SYT16: variants seen among roughly 807,000 people sequenced by gnomAD.
The protein encoded by SYT16 is synaptotagmin 16.
Under a neutral mutation model 61.4 loss-of-function variants are expected in SYT16, and 42 were observed. That is an observed-to-expected ratio of 0.68 (90% CI 0.53 to 0.89). The LOEUF (loss-of-function observed/expected upper bound fraction) is 0.89, where lower values mean the gene tolerates loss of function less well. Among genes scored for constraint, SYT16 ranks in the 40% least tolerant of loss-of-function variants. The pLI, the probability that SYT16 is intolerant of heterozygous loss-of-function variation, is 0.00. For missense variants in SYT16, 804 were observed against 807.3 expected, an observed-to-expected ratio of 1.00 and a Z score of 0.05; for synonymous variants, 314 against 302.3, an observed-to-expected ratio of 1.04 and a Z score of -0.40.
chr14:61,918,048 T>C (rs1192020767), intron 1 of SYT16, among the ~76,000 whole-genome samples: 2 of 152,154 alleles, frequency 1.3e-5, no homozygotes, highest in African/African-American at 4.8e-5. Context: ...TCAAAGAGTT[T>C]TGAATTTTGG....
intron 1 of SYT16, among the ~76,000 whole-genome samples, chr14:61,902,963 A>G (rs969167057): frequency 2.0e-5 from 3 of 152,206 alleles, no homozygotes; most frequent in Admixed American, 6.5e-5. Context: ...TATGGGAGCA[A>G]CAATTCAAGA....
intron 1 of SYT16, among the ~76,000 whole-genome samples, chr14:61,937,869 G>C (rs1394534826): frequency 6.6e-6 from 1 of 152,074 alleles, no homozygotes; most frequent in Non-Finnish European, 1.5e-5. Context: ...GTGTCTATGT[G>C]TCAATCACAC....
chr14:61,870,304 T>G (rs1192875923), intron 1 of SYT16, among the ~76,000 whole-genome samples: 4 of 152,232 alleles, frequency 2.6e-5, no homozygotes, highest in African/African-American at 9.6e-5. Context: ...GTCTTCTGAC[T>G]TGCATTGTTT....
chr14:62,084,148 A>G, intron 6 of SYT16, 48 bp from the exon 7 acceptor site: 3 of 1,572,902 alleles, frequency 1.9e-6, no homozygotes, highest in Non-Finnish European at 1.7e-6. Flanking sequence ...TCTAAAAGAG[A>G]GTAGTGCAGC....
rs763266467 is a variant in SYT16 at position 61,996,500 on chromosome 14, C to A, written c.481C>A (p.Gln161Lys). The A allele has an allele frequency of 1.2e-6, 2 of 1,612,242 alleles. No homozygotes were observed. Among genetic ancestry groups the A allele is most frequent in the Non-Finnish European group, 1.7e-6 (2 of 1,179,148 alleles). Residue 161 changes from glutamine (Q) to lysine (K), a missense_variant, in exon 3 of 8, where the codon CAG becomes AAG. Physicochemically the swap from Gln to Lys is moderately conservative, Grantham distance 53 (BLOSUM62 1). Coordinates refer to ENST00000683842, the MANE Select transcript of SYT16 (RefSeq NM_001367656.1). ...RSGLQHGFDS[Q>K]LPGTLETVNG... ...TGGCCTTCAACATGGCTTTGACAGC[C>A]AGCTCCCTGGTACTTTAGAAACTGT...
At chr14:62,030,346 T>TTACTCAGAGTTCAA (rs1396711796) in intron 3 of SYT16, among the ~76,000 whole-genome samples, 2 of 152,202 alleles carry the variant, frequency 1.3e-5, no homozygotes, top group Non-Finnish European at 2.9e-5. Flanking sequence ...TAAACAGAAC[T>TTACTCAGAGTTCAA]TACTCAGAGA....
chr14:62,033,259 T>G (rs1401790809), intron 3 of SYT16, among the ~76,000 whole-genome samples: 1 of 152,046 alleles, frequency 6.6e-6, no homozygotes, highest in East Asian at 1.9e-4. Context: ...ATGAATGAAA[T>G]CAACTGCATT....
At chr14:62,038,872 AACATGAGGAGC>A (rs1375635568) in intron 3 of SYT16, among the ~76,000 whole-genome samples, 1 of 152,206 alleles carries the variant, frequency 6.6e-6, no homozygotes, top group East Asian at 1.9e-4. Flanking sequence ...TATTATATGT[AACATGAGGAGC>A]ACATGATAAT....
chr14:61,988,767 C>T (rs1022431097), intron 2 of SYT16, among the ~76,000 whole-genome samples: 3 of 152,264 alleles, frequency 2.0e-5, no homozygotes, highest in Non-Finnish European at 4.4e-5. Flanking sequence ...GTACTAGAAA[C>T]AGTGAGAATA....
In SYT16 at chr14:62,104,976, A is replaced by G. The variant is rs2057487942; in HGVS notation, c.*4269A>G. On this transcript the variant is annotated 3_prime_UTR_variant, in exon 8 of 8. Transcript: ENST00000683842. ...AAGATGTGTCTTCTTTTTCTAGCAA[A>G]TGTTATTATAACACTAGAGAAAAAC... 2 of 152,304 alleles carry G rather than the reference A, an allele frequency of 1.3e-5. No individual in the cohort carries two copies. Among genetic ancestry groups the G allele is most frequent in the South Asian group, 4.1e-4 (2 of 4,822 alleles). 9.4% of individuals were successfully genotyped at this position (152,304 alleles called of 1,614,324 possible).
chr14:62,087,654 T>C (rs1012445850), intron 7 of SYT16, among the ~76,000 whole-genome samples: 1 of 152,206 alleles, frequency 6.6e-6, no homozygotes, highest in African/African-American at 2.4e-5. Context: ...CCTCAAAATA[T>C]ATCATAAAAC....
At chr14:62,058,694 C>T (rs78267849) in intron 3 of SYT16, among the ~76,000 whole-genome samples, 328 of 152,134 alleles carry the variant, frequency 2.2e-3, no homozygotes, top group Non-Finnish European at 3.5e-3. Context: ...AAATAGTGTT[C>T]AAAAGTAGTT....
At chr14:62,044,513 C>T (rs936260811) in intron 3 of SYT16, among the ~76,000 whole-genome samples, 11 of 152,068 alleles carry the variant, frequency 7.2e-5, no homozygotes, top group Non-Finnish European at 1.5e-4. Flanking sequence ...CATGTGCTCT[C>T]ATTGTTCAAC....
At chr14:62,028,317 C>CT (rs1248586942) in intron 3 of SYT16, among the ~76,000 whole-genome samples, 1 of 152,178 alleles carries the variant, frequency 6.6e-6, no homozygotes, top group Non-Finnish European at 1.5e-5. Flanking sequence ...TGAAAGCCTG[C>CT]TTACTGTACG....
At chr14:61,935,242 G>A (rs988123570) in intron 1 of SYT16, among the ~76,000 whole-genome samples, 2 of 152,174 alleles carry the variant, frequency 1.3e-5, no homozygotes, top group African/African-American at 4.8e-5. Context: ...GGGAACTCAA[G>A]GCCCTGCGGT....
chr14:61,877,307 C>A (rs2140312938), intron 1 of SYT16, among the ~76,000 whole-genome samples: 1 of 152,292 alleles, frequency 6.6e-6, no homozygotes, highest in Middle Eastern at 3.4e-3. Context: ...TTGTCACACA[C>A]ACACTCCCAC....
In SYT16 at chr14:62,102,105, T is replaced by A. The variant is rs977979874; in HGVS notation, c.*1398T>A. 1 of 152,362 alleles carries A rather than the reference T, an allele frequency of 6.6e-6. No individual in the cohort carries two copies. The allele number at this position is 152,362 out of a possible 1,614,324, so 9.4% of individuals were successfully genotyped here. Reference sequence around the variant, plus strand: ...TGCTCAGTCACCTATTTTTAGTTTCTATGTTTCATTGTGGACTTTTTCCTG... The same window carrying A: ...TGCTCAGTCACCTATTTTTAGTTTCAATGTTTCATTGTGGACTTTTTCCTG... On this transcript the variant is annotated 3_prime_UTR_variant, in exon 8 of 8. Transcript: ENST00000683842.
intron 1 of SYT16, chr14:61,832,409 G>T (rs371167997): frequency 8.0e-6 from 4 of 499,928 alleles, no homozygotes; most frequent in Non-Finnish European, 1.6e-5. Context: ...CTCTATGCCC[G>T]GTGTCCCGCG....
At chr14:62,096,114 C>T (rs1241622153) in intron 7 of SYT16, among the ~76,000 whole-genome samples, 1 of 152,018 alleles carries the variant, frequency 6.6e-6, no homozygotes, top group Non-Finnish European at 1.5e-5. Context: ...GTGTGAAAAA[C>T]AAGATCTTAA....
Sources: gnomAD v4.1 joint callset for allele counts (sites outside exome capture counted in the v4.1 genomes callset) on GRCh38, gnomAD v4.1.1 for gene constraint, MANE v1.5 for transcripts, NCBI Gene and HGNC (gene_info 2026-07-23, HGNC 2026-07-21) for gene names.